The following NCOR1 variants were observed in gnomAD, a reference collection of about 807,000 sequenced individuals.
NCOR1 encodes protein phosphatase 1, regulatory subunit 109.
Under a neutral mutation model 288.1 loss-of-function variants are expected in NCOR1, and 63 were observed. The observed-to-expected ratio is 0.22, with a 90% confidence interval of 0.18 to 0.27. The LOEUF (loss-of-function observed/expected upper bound fraction) is 0.27. NCOR1 is among the 10% of genes least tolerant of loss of function. NCOR1 has a pLI of 1.00. For synonymous variants in NCOR1, 1,007 were observed against 1,065.9 expected, an observed-to-expected ratio of 0.94 and a Z score of 1.08; for missense variants, 2,397 against 3,019.2, an observed-to-expected ratio of 0.79 and a Z score of 4.83.
intron 1 of NCOR1, among the ~76,000 whole-genome samples, chr17:16,206,706 C>T (rs922643767): frequency 6.6e-6 from 1 of 151,936 alleles, no homozygotes; most frequent in African/African-American, 2.4e-5. Context: ...TCTTCATGTA[C>T]TAGAAATGGG....
At chr17:16,170,370 A>C (rs2082899910) in intron 4 of NCOR1, among the ~76,000 whole-genome samples, 1 of 152,104 alleles carries the variant, frequency 6.6e-6, no homozygotes, top group African/African-American at 2.4e-5. Context: ...AACTGAAACA[A>C]AAAGACACTG....
intron 3 of NCOR1, among the ~76,000 whole-genome samples, chr17:16,179,675 G>C (rs766500485): frequency 7.9e-5 from 12 of 152,254 alleles, no homozygotes; most frequent in Middle Eastern, 3.4e-3. Flanking sequence ...GACATCACAA[G>C]AAAACAAAAC....
chr17:16,190,428 G>A (rs545733810), intron 2 of NCOR1, among the ~76,000 whole-genome samples: 12 of 151,662 alleles, frequency 7.9e-5, no homozygotes, highest in Admixed American at 2.0e-4. Context: ...TCCGCCTCCC[G>A]GGTTCACGCC....
chr17:16,151,463 T>C, intron 8 of NCOR1: 1 of 638,130 alleles, frequency 1.6e-6, no homozygotes. Flanking sequence ...TGGAAGGGAT[T>C]TCCCTAGAAT....
At chr17:16,153,244 C>T (rs2153388275) in intron 7 of NCOR1, 95 bp downstream of exon 7, 1 of 875,880 alleles carries the variant, frequency 1.1e-6, no homozygotes, top group Non-Finnish European at 1.8e-6. Flanking sequence ...TCTCTCTTAT[C>T]CCAAAATAAA....
intron 12 of NCOR1, among the ~76,000 whole-genome samples, chr17:16,138,705 T>C (rs1206491075): frequency 1.3e-5 from 2 of 152,222 alleles, no homozygotes; most frequent in African/African-American, 4.8e-5. Flanking sequence ...CACCAGGAAA[T>C]GATTAGTCTA....
intron 4 of NCOR1, among the ~76,000 whole-genome samples, chr17:16,167,375 T>C (rs2082212767): frequency 6.6e-6 from 1 of 151,326 alleles, no homozygotes; most frequent in Non-Finnish European, 1.5e-5. Context: ...TCTTACCTCA[T>C]ATCTTACATC....
chr17:16,046,262 G>C (rs1191313810), intron 42 of NCOR1, among the ~76,000 whole-genome samples: 5 of 152,158 alleles, frequency 3.3e-5, no homozygotes, highest in African/African-American at 1.2e-4. Flanking sequence ...TAAAAGTAGA[G>C]CGAGGGCAAG....
intron 23 of NCOR1, among the ~76,000 whole-genome samples, chr17:16,082,865 C>T (rs2152834158): frequency 6.6e-6 from 1 of 152,060 alleles, no homozygotes; most frequent in Non-Finnish European, 1.5e-5. Flanking sequence ...GGGTGGGTCT[C>T]AGCAAACTAA....
At chr17:16,082,017 G>C (rs1397073614) in intron 23 of NCOR1, among the ~76,000 whole-genome samples, 1 of 152,182 alleles carries the variant, frequency 6.6e-6, no homozygotes, top group African/African-American at 2.4e-5. Flanking sequence ...GCACCCCTCA[G>C]CAAAGGCTGA....
intron 15 of NCOR1, among the ~76,000 whole-genome samples, 163 bp downstream of exon 15, chr17:16,125,919 T>G (rs1460110679): frequency 6.6e-6 from 1 of 151,774 alleles, no homozygotes. Flanking sequence ...GGGTGAGGTA[T>G]AATGGGTATA....
At chr17:16,097,000 C>T (rs533914412) in intron 21 of NCOR1, among the ~76,000 whole-genome samples, 1 of 152,292 alleles carries the variant, frequency 6.6e-6, no homozygotes, top group African/African-American at 2.4e-5. Context: ...GGACATTATG[C>T]TGAGTGAAAT....
rs569547865 is a variant in NCOR1, at chr17:16,030,110, A to G, written c.*2186T>C. 2 of 181,548 alleles carry G rather than the reference A, an allele frequency of 1.1e-5. No individual in the cohort carries two copies. The highest frequency in any genetic ancestry group is 1.8e-4 in the East Asian group (2 of 11,164). The allele number at this position is 181,548 out of a possible 1,614,324, so 11.2% of individuals were successfully genotyped here. A position where few individuals can be genotyped will look rare whatever the true frequency, so the allele number is the denominator to read the frequency against. ...CATAGTCGATTGACACATATTTTGTATATGTATTATATACTGTATTCTTAC... is the reference window on the plus strand; with the variant it reads ...CATAGTCGATTGACACATATTTTGTGTATGTATTATATACTGTATTCTTAC... On this transcript the variant is annotated 3_prime_UTR_variant, in exon 46 of 46. Coordinates refer to ENST00000268712, the MANE Select transcript of NCOR1 (RefSeq NM_006311.4).
At chr17:16,078,256 A>G (rs931252720) in intron 26 of NCOR1, among the ~76,000 whole-genome samples, 8 of 152,226 alleles carry the variant, frequency 5.3e-5, no homozygotes, top group African/African-American at 1.7e-4. Flanking sequence ...CTAAAACCCT[A>G]GAGAGCACAA....
intron 18 of NCOR1, among the ~76,000 whole-genome samples, chr17:16,112,878 AATT>A (rs1329539695): frequency 6.6e-6 from 1 of 152,122 alleles, no homozygotes; most frequent in African/African-American, 2.4e-5. Flanking sequence ...CAAAATTTTA[AATT>A]ATTAAAAACA....
chr17:16,099,832 C>CCA (rs1299191262), intron 20 of NCOR1, among the ~76,000 whole-genome samples: 16 of 152,130 alleles, frequency 1.1e-4, no homozygotes, highest in Non-Finnish European at 1.9e-4. Context: ...TTAAGCAGAA[C>CCA]ACCTATTTTA....
intron 3 of NCOR1, among the ~76,000 whole-genome samples, chr17:16,183,046 G>A (rs2085826521): frequency 6.6e-6 from 1 of 151,628 alleles, no homozygotes; most frequent in Non-Finnish European, 1.5e-5. Context: ...ACATAATAAA[G>A]GCCATTTGTG....
intron 23 of NCOR1, among the ~76,000 whole-genome samples, chr17:16,082,283 G>T (rs896556743): frequency 6.6e-6 from 1 of 152,090 alleles, no homozygotes; most frequent in Non-Finnish European, 1.5e-5. Flanking sequence ...TATAAGATAC[G>T]CAAAGAAACA....
chr17:16,079,824 G>T, intron 26 of NCOR1, 140 bp downstream of exon 26: 1 of 607,462 alleles, frequency 1.6e-6, no homozygotes, highest in Non-Finnish European at 2.9e-6. Flanking sequence ...TGTGGAGACA[G>T]TTTGCAGATC....
Sources: allele counts gnomAD v4.1 joint callset (sites outside exome capture counted in the v4.1 genomes callset), GRCh38; gene constraint gnomAD v4.1.1; transcripts MANE v1.5; gene names NCBI Gene and HGNC (gene_info 2026-07-23, HGNC 2026-07-21).